The following PARD3 variants were observed in gnomAD, a reference collection of about 807,000 sequenced individuals.
PARD3 encodes the protein partitioning defective 3 homolog.
Under a neutral mutation model 155.4 loss-of-function variants are expected in PARD3, and 75 were observed. The observed-to-expected ratio is 0.48, with a 90% CI of 0.40 to 0.58. The LOEUF (loss-of-function observed/expected upper bound fraction) is 0.58. Among genes scored for constraint, PARD3 ranks in the 20% least tolerant of loss-of-function variants. PARD3 has a pLI of 0.00. For synonymous variants in PARD3, 576 were observed against 610.5 expected, an observed-to-expected ratio of 0.94 and a Z score of 0.83; for missense variants, 1,642 against 1,721.7, an observed-to-expected ratio of 0.95 and a Z score of 0.82.
Position 34,163,835 on chromosome 10 carries a change from G to T in PARD3, c.3420-32252C>A, listed in dbSNP as rs187266341. 3.3e-5 allele frequency among the ~76,000 whole-genome samples: 5 copies of T among 152,292 alleles called. No homozygotes were observed. In the East Asian group the frequency reaches 9.7e-4, roughly 29 times the overall value. On this transcript the variant is annotated intron_variant, in intron 22 of 24. Coordinates refer to ENST00000374788, the MANE Select transcript of PARD3 (RefSeq NM_001184785.2). The stretch of plus-strand genomic sequence containing the variant: ...GTTTTACAGCAAGGATCTACTGGAA[G>T]AAGGAAGGAGTCCAATGAGTAACAT...
At chr10:34,770,972 A>G (rs1225516970) in intron 1 of PARD3, among the ~76,000 whole-genome samples, 1 of 152,148 alleles carries the variant, frequency 6.6e-6, no homozygotes, top group African/African-American at 2.4e-5. Flanking sequence ...TCAAAACCCT[A>G]AAAGTCTACA....
chr10:34,424,477 A>AT (rs1157075207), intron 5 of PARD3, among the ~76,000 whole-genome samples: 1 of 152,134 alleles, frequency 6.6e-6, no homozygotes, highest in Non-Finnish European at 1.5e-5. Flanking sequence ...GGGCTTAGTA[A>AT]TTCAAGTAAT....
chr10:34,246,543 T>C (rs1953960736), intron 22 of PARD3, among the ~76,000 whole-genome samples: 1 of 152,062 alleles, frequency 6.6e-6, no homozygotes, highest in Admixed American at 6.5e-5. Flanking sequence ...TTTAGACAGA[T>C]GACCTGAGAG....
chr10:34,345,360 A>AG, intron 15 of PARD3: 15 of 985,210 alleles, frequency 1.5e-5, no homozygotes, highest in Non-Finnish European at 1.8e-5. Flanking sequence ...AGTCCTACAT[A>AG]GGGGATTACT....
intron 1 of PARD3, among the ~76,000 whole-genome samples, chr10:34,703,292 G>A (rs1456696456): frequency 1.3e-5 from 2 of 152,008 alleles, no homozygotes; most frequent in African/African-American, 4.8e-5. Flanking sequence ...AGGAGGCTGA[G>A]GCAGAAAGAC....
intron 2 of PARD3, chr10:34,664,162 T>C (rs1323352365): frequency 1.3e-5 from 2 of 152,224 alleles, no homozygotes; most frequent in Non-Finnish European, 2.9e-5. Context: ...ATATATTTGG[T>C]TATGTCACTG....
At chr10:34,438,069 C>T (rs1056961888) in intron 5 of PARD3, among the ~76,000 whole-genome samples, 5 of 152,160 alleles carry the variant, frequency 3.3e-5, no homozygotes, top group African/African-American at 4.8e-5. Context: ...AGCCAGGTGG[C>T]TTTCCCACGG....
At chr10:34,432,435 A>T (rs2075994549) in intron 5 of PARD3, among the ~76,000 whole-genome samples, 1 of 151,990 alleles carries the variant, frequency 6.6e-6, no homozygotes. Flanking sequence ...AAAATTAGAG[A>T]GAAGATAATA....
chr10:34,750,459 TCAAACACACACACA>T (rs1462723182), intron 1 of PARD3, among the ~76,000 whole-genome samples: 3 of 106,324 alleles, frequency 2.8e-5, no homozygotes, highest in African/African-American at 1.1e-4. Context: ...TTTCTCTCTT[TCAAACACACACACA>T]CACACACACA....
chr10:34,596,577 G>A (rs1158640530), intron 2 of PARD3, among the ~76,000 whole-genome samples: 1 of 152,058 alleles, frequency 6.6e-6, no homozygotes, highest in African/African-American at 2.4e-5. Flanking sequence ...ACAGCATAGG[G>A]GAACTTCTCT....
At chr10:34,340,232 T>C (rs1836659947) in intron 16 of PARD3, among the ~76,000 whole-genome samples, 1 of 152,342 alleles carries the variant, frequency 6.6e-6, no homozygotes, top group African/African-American at 2.4e-5. Flanking sequence ...TGCTTTATAA[T>C]GCCCCAAAGA....
intron 2 of PARD3, among the ~76,000 whole-genome samples, chr10:34,582,435 T>C (rs1199638176): frequency 1.3e-5 from 2 of 152,234 alleles, no homozygotes; most frequent in African/African-American, 4.8e-5. Context: ...GATAACTGGT[T>C]AGAAAATGAC....
chr10:34,770,998 G>A (rs1042212372), intron 1 of PARD3, among the ~76,000 whole-genome samples: 9 of 152,070 alleles, frequency 5.9e-5, no homozygotes, highest in East Asian at 1.9e-4. Flanking sequence ...GTTCTGCAAC[G>A]GAGATGCAGA....
rs3041198 is a variant in PARD3 at position 34,562,123 on chromosome 10, CAAAAAAAAAAAAAA to C, written c.223-44978_223-44965del. On this transcript the variant is annotated intron_variant, in intron 2 of 24. Coordinates refer to ENST00000374788, the MANE Select transcript of PARD3 (RefSeq NM_001184785.2). The stretch of plus-strand genomic sequence containing the variant: ...CCTGGGTGACGGAGCCTGACTGTCT[CAAAAAAAAAAAAAA>C]AAAAAAAAAAAAAAAGGCTTGTTGG... Among the ~76,000 whole-genome samples the C allele has an allele frequency of 6.1e-4, 16 of 26,366 alleles. No homozygotes were observed. The East Asian group carries it at 7.0e-3, about 12-fold the overall frequency. 17.3% of individuals were successfully genotyped at this position (26,366 alleles called of 152,430 possible).
chr10:34,562,067 G>A (rs974384387), intron 2 of PARD3, among the ~76,000 whole-genome samples: 3 of 146,726 alleles, frequency 2.0e-5, no homozygotes, highest in African/African-American at 5.1e-5. Flanking sequence ...TGGGAGGGGG[G>A]GTGAACCGAG....
intron 20 of PARD3, among the ~76,000 whole-genome samples, chr10:34,306,797 C>T (rs1159628287): frequency 6.6e-6 from 1 of 152,180 alleles, no homozygotes; most frequent in Non-Finnish European, 1.5e-5. Context: ...GATGGGAACG[C>T]CAGCATTGTC....
At chr10:34,722,203 T>A (rs79105319) in intron 1 of PARD3, among the ~76,000 whole-genome samples, 1,634 of 151,982 alleles carry the variant, frequency 0.011, 36 homozygotes, top group African/African-American at 0.038. Context: ...AAATATATAT[T>A]TTTGAGACAT....
At chr10:34,206,420 T>C (rs1228859938) in intron 22 of PARD3, among the ~76,000 whole-genome samples, 1 of 152,228 alleles carries the variant, frequency 6.6e-6, no homozygotes, top group Admixed American at 6.5e-5. Context: ...ATGGCCTTCC[T>C]TGGGCTACTA....
At chr10:34,419,072 A>C (rs1845945381) in intron 5 of PARD3, among the ~76,000 whole-genome samples, 1 of 152,124 alleles carries the variant, frequency 6.6e-6, no homozygotes, top group African/African-American at 2.4e-5. Flanking sequence ...CACTGCACCT[A>C]GCCTAGAATT....
Sources: gnomAD v4.1 joint callset for allele counts (sites outside exome capture counted in the v4.1 genomes callset) on GRCh38, gnomAD v4.1.1 for gene constraint, MANE v1.5 for transcripts, NCBI Gene and HGNC (gene_info 2026-07-23, HGNC 2026-07-21) for gene names.